The following SCUBE1 variants were observed in gnomAD, a reference collection of about 807,000 sequenced individuals.
SCUBE1 encodes the protein signal peptide, CUB domain and EGF like domain containing 1.
In SCUBE1, 59 loss-of-function variants were observed where a neutral mutation model predicts 124.4. That is an observed-to-expected ratio of 0.47 (90% CI 0.38 to 0.59). The LOEUF is 0.59. Ranked by LOEUF, SCUBE1 falls within the 20% of genes least tolerant of loss-of-function variation. The pLI is 0.00. For missense variants in SCUBE1, 1,150 were observed against 1,371.2 expected (o/e 0.84, Z 2.55); for synonymous variants, 545 against 550.9 (o/e 0.99, Z 0.15).
At chr22:43,280,759 C>CCT (rs1273834433) in intron 4 of SCUBE1, among the ~76,000 whole-genome samples, 2 of 139,820 alleles carry the variant, frequency 1.4e-5, no homozygotes, top group Non-Finnish European at 1.5e-5. Context: ...CCTGTCACCT[C>CCT]CCTCATTGGC....
intron 3 of SCUBE1, among the ~76,000 whole-genome samples, chr22:43,303,000 C>G (rs5759271): frequency 0.74 from 112,364 of 152,122 alleles, 42,588 homozygotes; most frequent in Middle Eastern, 0.88. Context: ...AAGGAGGGGC[C>G]CCGGAGCTCC....
chr22:43,285,827 G>A (rs372396646), intron 4 of SCUBE1, among the ~76,000 whole-genome samples: 4 of 152,240 alleles, frequency 2.6e-5, no homozygotes, highest in Admixed American at 6.5e-5. Context: ...AAATAGGTGC[G>A]GGAGCTCAGC....
intron 4 of SCUBE1, among the ~76,000 whole-genome samples, chr22:43,280,740 GGCCACCCTCCTGTCACC>G (rs879595895): frequency 0.32 from 44,985 of 140,020 alleles, 7,460 homozygotes; most frequent in South Asian, 0.42. Context: ...CTTCCTCCTC[GGCCACCCTCCTGTCACC>G]TCCCTCATTG....
At chr22:43,240,631 C>T (rs537667842) in intron 6 of SCUBE1, among the ~76,000 whole-genome samples, 14 of 152,352 alleles carry the variant, frequency 9.2e-5, no homozygotes, top group African/African-American at 3.4e-4. Context: ...TCCGCACTCA[C>T]ACCTGGAAAT....
At chr22:43,335,242 C>T (rs954767897) in intron 2 of SCUBE1, among the ~76,000 whole-genome samples, 3 of 152,188 alleles carry the variant, frequency 2.0e-5, no homozygotes, top group African/African-American at 7.2e-5. Context: ...CTCCATAGTC[C>T]TCCCAGAGAA....
chr22:43,327,360 A>G (rs1218170072), intron 2 of SCUBE1, among the ~76,000 whole-genome samples: 1 of 152,214 alleles, frequency 6.6e-6, no homozygotes, highest in African/African-American at 2.4e-5. Flanking sequence ...ATTTACATCA[A>G]GTCTCCAGAA....
Position 43,258,388 on chromosome 22 carries a change from G to A in SCUBE1, c.611-53C>T. 7.3e-7 allele frequency: 1 copy of A among 1,378,416 alleles called. No homozygotes were observed. Among genetic ancestry groups the A allele is most frequent in the Non-Finnish European group, 1.0e-6 (1 of 965,450 alleles). The allele number at this position is 1,378,416 out of a possible 1,614,324, so 85.4% of individuals were successfully genotyped here. On this transcript the variant is annotated intron_variant, in intron 5 of 21. Transcript: ENST00000360835. This position sits in a 1 kb window ranked among gnomAD's most constrained non-coding sequence, Gnocchi z 5.0. ...GTGTATAAACAGAACAACAAAAACG[G>A]TTAGTTTGCCGGTGTTGGCGGCTGC... is the stretch of plus-strand genomic sequence containing the variant.
At position 43,339,167 on chromosome 22, in the gene SCUBE1, T is replaced by C. The variant is rs759301660; in HGVS notation, c.157A>G (p.Thr53Ala). The C allele has an allele frequency of 1.2e-6, 2 of 1,613,932 alleles. No homozygotes were observed. The highest frequency in any genetic ancestry group is 1.7e-6 in the Non-Finnish European group (2 of 1,179,840). ...CAGAGGCATTTGTAGGACTTGGGCG[T>C]GTTCTGACAGATGGCATCGATGTGG... ...DCHIDAICQN[T>A]PKSYKCLCKP... The change falls in exon 2 of 22, where the codon ACG (threonine) becomes GCG (alanine). Residue 53 changes from threonine (T) to alanine (A), a missense_variant. Physicochemically the swap from Thr to Ala is moderately conservative, Grantham distance 58 (BLOSUM62 0). Transcript: ENST00000360835.
rs1052150969 is a variant in SCUBE1 at position 43,327,033 on chromosome 22, T to C, written c.221-6968A>G. The stretch of plus-strand genomic sequence containing the variant: ...GAACGAGAACTGTGTCCTGTGCAGC[T>C]TGAGCCTCAGAAACGAGCAGAGCCC... On this transcript the variant is annotated intron_variant, in intron 2 of 21. Transcript: ENST00000360835. Among the ~76,000 whole-genome samples the C allele has an allele frequency of 4.6e-5, 7 of 152,330 alleles. 1 individual carries two copies. The highest frequency in any genetic ancestry group is 6.5e-5 in the Admixed American group (1 of 15,296).
chr22:43,207,118 G>A (rs1921323512), intron 21 of SCUBE1, among the ~76,000 whole-genome samples: 1 of 152,192 alleles, frequency 6.6e-6, no homozygotes, highest in Non-Finnish European at 1.5e-5. Flanking sequence ...TGCCTCTCCA[G>A]GCTGGAAGCA....
At position 43,278,393 on chromosome 22, in the gene SCUBE1, C is replaced by A. The variant is rs550623827; in HGVS notation, c.484+12653G>T. The stretch of plus-strand genomic sequence containing the variant: ...GATGGGATTCGGAGGCATGGCCACA[C>A]CCTCTCTTTAAACAGGAAGTTCCTA... On this transcript the variant is annotated intron_variant, in intron 4 of 21. Coordinates refer to ENST00000360835, the MANE Select transcript of SCUBE1 (RefSeq NM_173050.5). Among the ~76,000 whole-genome samples the A allele has an allele frequency of 2.0e-5, 3 of 152,328 alleles. No homozygotes were observed. The South Asian group carries it at 6.2e-4, about 32-fold the overall frequency.
At chr22:43,304,552 G>T (rs1304142180) in intron 3 of SCUBE1, among the ~76,000 whole-genome samples, 3 of 152,226 alleles carry the variant, frequency 2.0e-5, no homozygotes, top group Non-Finnish European at 4.4e-5. Context: ...CCAGTGCAGA[G>T]AAAGGTGCAT....
intron 2 of SCUBE1, among the ~76,000 whole-genome samples, chr22:43,334,182 G>A (rs1438433879): frequency 6.6e-6 from 1 of 152,212 alleles, no homozygotes; most frequent in East Asian, 1.9e-4. Context: ...GGAGGGTGCG[G>A]TAATTGATTA....
intron 15 of SCUBE1, among the ~76,000 whole-genome samples, chr22:43,216,006 C>T (rs1204222502): frequency 6.6e-6 from 1 of 151,886 alleles, no homozygotes; most frequent in East Asian, 1.9e-4. Flanking sequence ...TTTTGTTCTG[C>T]TTGACAATGT....
intron 2 of SCUBE1, among the ~76,000 whole-genome samples, chr22:43,336,500 C>T (rs957164510): frequency 3.9e-5 from 6 of 152,202 alleles, no homozygotes; most frequent in East Asian, 1.9e-4. Flanking sequence ...GCTGGGAACA[C>T]GGCTACAAAT....
intron 6 of SCUBE1, among the ~76,000 whole-genome samples, chr22:43,257,386 C>T (rs192977246): frequency 6.6e-6 from 1 of 152,332 alleles, no homozygotes; most frequent in East Asian, 1.9e-4. Flanking sequence ...CCGGCACCAA[C>T]TTTGAAACTC....
Position 43,343,225 on chromosome 22 carries a change from G to C in SCUBE1, c.37C>G (p.Leu13Val). 8.2e-7 allele frequency: 1 copy of C among 1,213,822 alleles called. No homozygotes were observed. The highest frequency in any genetic ancestry group is 1.0e-6 in the Non-Finnish European group (1 of 969,064). The allele number at this position is 1,213,822 out of a possible 1,614,324, so 75.2% of individuals were successfully genotyped here. A position where few individuals can be genotyped will look rare whatever the true frequency, so the allele number is the denominator to read the frequency against. ...AAAVRWHLCV[L>V]LALGTRGRLA... ...CGCCCGCGTGTGCCCAGGGCCAGCA[G>C]CACGCACAAGTGCCAGCGCACGGCC... Residue 13 changes from leucine (L) to valine (V), a missense_variant, in exon 1 of 22, where the codon CTG (leucine) becomes GTG (valine). This residue lies in a region of SCUBE1 where 56 missense variants were observed against 48.1 expected (regional missense o/e 1.16). Transcript: ENST00000360835.
rs779140762 is a variant in SCUBE1, at chr22:43,231,769, G to A, written c.951C>T (p.Asp317=). ...GGGGCTCACCCTGGCAGGTGCGCTC[G>A]TCGGTGAGCAGCTTGTAGCCCTTCC... The part of the protein sequence containing the change: ...GCRKGYKLLT[D]ERTCQDIDEC... The change falls in exon 8 of 22, where the codon GAC becomes GAT. Residue 317 remains aspartate, a synonymous_variant. Coordinates refer to ENST00000360835, the MANE Select transcript of SCUBE1 (RefSeq NM_173050.5). 35 of 1,596,982 alleles carry A rather than the reference G, an allele frequency of 2.2e-5. No homozygotes were observed. Among genetic ancestry groups the A allele is most frequent in the Admixed American group, 3.5e-5 (2 of 57,372 alleles).
rs1223181170 is a variant in SCUBE1, at chr22:43,258,448, T to C, written c.611-113A>G. On this transcript the variant is annotated intron_variant, in intron 5 of 21. Transcript: ENST00000360835. This position sits in a 1 kb window ranked among gnomAD's most constrained non-coding sequence, Gnocchi z 5.0. Reference sequence around the variant, plus strand: ...ATGGGGAAACTGAGGCCTAAGGGCATCAGTGGGTAGGGTCATGAGGCTCGC... The same window carrying C: ...ATGGGGAAACTGAGGCCTAAGGGCACCAGTGGGTAGGGTCATGAGGCTCGC... 2.5e-6 allele frequency: 2 copies of C among 784,372 alleles called. No individual in the cohort carries two copies. The highest frequency in any genetic ancestry group is 2.3e-4 in the Middle Eastern group (1 of 4,288). 48.6% of individuals were successfully genotyped at this position (784,372 alleles called of 1,614,324 possible). A position where few individuals can be genotyped will look rare whatever the true frequency, so the allele number is the denominator to read the frequency against.
Sources: gnomAD v4.1 joint callset for allele counts (sites outside exome capture counted in the v4.1 genomes callset) on GRCh38, gnomAD v4.1.1 for gene constraint, gnomAD v4.1.1 regional missense constraint, Gnocchi (gnomAD v3.1) non-coding constraint, MANE v1.5 for transcripts, NCBI Gene and HGNC (gene_info 2026-07-23, HGNC 2026-07-21) for gene names.